The following PRKCH variants were observed in gnomAD, a reference collection of about 807,000 sequenced individuals.
PRKCH encodes the protein protein kinase C eta, also known as protein kinase C eta type.
Under a neutral mutation model 82.5 loss-of-function variants are expected in PRKCH, and 28 were observed. The ratio of observed to expected loss-of-function variants is 0.34; its 90% CI spans 0.25 to 0.47. PRKCH has a LOEUF of 0.47. Among genes scored for constraint, PRKCH ranks in the 20% least tolerant of loss-of-function variants. The probability of loss-of-function intolerance (pLI) is 1.00; values close to 1 mark genes in which losing one functional copy is unlikely to be tolerated. For synonymous variants in PRKCH, 322 were observed against 327.4 expected (o/e 0.98, Z 0.18); for missense variants, 705 against 881.8 (o/e 0.80, Z 2.54).
intron 1 of PRKCH, among the ~76,000 whole-genome samples, chr14:61,251,167 A>G (rs2044942879): frequency 6.6e-6 from 1 of 152,228 alleles, no homozygotes; most frequent in Non-Finnish European, 1.5e-5. Context: ...ATCAAGGAAA[A>G]TGGGTATCCA....
At chr14:61,432,411 A>C (rs1594699758) in intron 2 of PRKCH, among the ~76,000 whole-genome samples, 1 of 152,134 alleles carries the variant, frequency 6.6e-6, no homozygotes, top group Admixed American at 6.5e-5. Context: ...CTTCAAGTAC[A>C]TTCTTTATTT....
chr14:61,234,600 TCTCTGTTAAACTATTA>T, intron 1 of PRKCH, among the ~76,000 whole-genome samples: 1 of 152,202 alleles, frequency 6.6e-6, no homozygotes. Flanking sequence ...ATGTTCCACT[TCTCTGTTAAACTATTA>T]CTCTGAGAAG....
At chr14:61,278,696 G>C (rs2045225872) in intron 1 of PRKCH, 1 of 152,166 alleles carries the variant, frequency 6.6e-6, no homozygotes, top group East Asian at 1.9e-4. Context: ...AAGTTATTTT[G>C]CTATACAAGG....
chr14:61,475,713 A>G (rs1468475626), intron 9 of PRKCH, among the ~76,000 whole-genome samples: 1 of 152,256 alleles, frequency 6.6e-6, no homozygotes, highest in Non-Finnish European at 1.5e-5. Flanking sequence ...AATATGCAAT[A>G]TAAATGAAAA....
chr14:61,343,684 C>T (rs1302127303), intron 1 of PRKCH, among the ~76,000 whole-genome samples: 1 of 152,122 alleles, frequency 6.6e-6, no homozygotes, highest in African/African-American at 2.4e-5. Flanking sequence ...CTGTGACACA[C>T]TGTGAAAGAG....
intron 1 of PRKCH, among the ~76,000 whole-genome samples, chr14:61,229,910 C>G (rs77135331): frequency 1.3e-5 from 2 of 152,256 alleles, no homozygotes; most frequent in African/African-American, 4.8e-5. Context: ...ACATTCCAAC[C>G]CCCTCTGCTT....
chr14:61,357,357 C>T (rs2046164332), intron 1 of PRKCH, among the ~76,000 whole-genome samples: 1 of 152,234 alleles, frequency 6.6e-6, no homozygotes, highest in Non-Finnish European at 1.5e-5. Context: ...GAATGAGCTC[C>T]TCCATTTCCT....
intron 2 of PRKCH, among the ~76,000 whole-genome samples, chr14:61,428,744 G>A (rs1011971293): frequency 2.0e-4 from 30 of 152,130 alleles, no homozygotes; most frequent in South Asian, 4.1e-4. Flanking sequence ...GGGAGCTCTT[G>A]TTTTGGGAAA....
intron 7 of PRKCH, 75 bp from the exon 8 acceptor site, chr14:61,457,101 A>G (rs762469790): frequency 3.9e-6 from 6 of 1,532,874 alleles, no homozygotes; most frequent in South Asian, 3.7e-5. Context: ...CTCCCAGCCA[A>G]TAAGGTCTTC....
At chr14:61,387,250 A>G (rs1285824914) in intron 1 of PRKCH, among the ~76,000 whole-genome samples, 8 of 152,244 alleles carry the variant, frequency 5.3e-5, no homozygotes, top group Non-Finnish European at 8.8e-5. Flanking sequence ...ATAGCCAGAG[A>G]GAAGGAATGT....
chr14:61,445,396 C>T (rs190111555), intron 3 of PRKCH, among the ~76,000 whole-genome samples: 7 of 152,296 alleles, frequency 4.6e-5, no homozygotes, highest in East Asian at 1.9e-4. Flanking sequence ...CTTAATCACA[C>T]GTACAGATGA....
At chr14:61,240,641 T>C (rs993145361) in intron 1 of PRKCH, among the ~76,000 whole-genome samples, 16 of 148,588 alleles carry the variant, frequency 1.1e-4, no homozygotes, top group African/African-American at 3.7e-4. Context: ...TAAAGGAAAG[T>C]TCCACCGAGA....
chr14:61,231,050 G>A lies in PRKCH; in HGVS notation c.-19+43382G>A, dbSNP rs904499078. ...AGGGAGATACATTCCAAGTTCAAGG[G>A]CAGGAAAATGGACATTATCATTTGT... On this transcript the variant is annotated intron_variant, in intron 1 of 3. Coordinates refer to the PRKCH transcript ENST00000555185. Among the ~76,000 whole-genome samples, 7 of 152,130 alleles carry A rather than the reference G, an allele frequency of 4.6e-5. 1 individual carries two copies. Among genetic ancestry groups the A allele is most frequent in the Non-Finnish European group, 5.9e-5 (4 of 68,028 alleles).
intron 9 of PRKCH, among the ~76,000 whole-genome samples, chr14:61,464,378 T>A (rs1160759358): frequency 6.6e-6 from 1 of 152,106 alleles, no homozygotes; most frequent in Non-Finnish European, 1.5e-5. Context: ...TTGTTTTGTT[T>A]TTTTTTTTAC....
At chr14:61,189,754 T>C (rs145989429) in intron 1 of PRKCH, among the ~76,000 whole-genome samples, 13 of 152,130 alleles carry the variant, frequency 8.5e-5, no homozygotes, top group Admixed American at 2.6e-4. Context: ...CTTTTTTTTT[T>C]CCTCTCTCAT....
intron 2 of PRKCH, among the ~76,000 whole-genome samples, chr14:61,427,402 G>T (rs1883162827): frequency 6.6e-6 from 1 of 152,136 alleles, no homozygotes; most frequent in African/African-American, 2.4e-5. Context: ...TAGGAAAAGT[G>T]CTAGACTCAA....
chr14:61,195,720 G>A (rs952451533), intron 1 of PRKCH, among the ~76,000 whole-genome samples: 7 of 152,200 alleles, frequency 4.6e-5, no homozygotes, highest in Non-Finnish European at 7.3e-5. Context: ...AGTTTGGTGA[G>A]GGGTTGCTTC....
intron 1 of PRKCH, among the ~76,000 whole-genome samples, chr14:61,198,506 G>A (rs1045808364): frequency 3.3e-5 from 5 of 152,028 alleles, no homozygotes; most frequent in East Asian, 1.9e-4. Flanking sequence ...CTCTTCGTTC[G>A]TGACATTTGT....
intron 9 of PRKCH, among the ~76,000 whole-genome samples, chr14:61,485,188 C>T (rs1351384406): frequency 2.0e-5 from 3 of 152,180 alleles, no homozygotes; most frequent in Non-Finnish European, 4.4e-5. Flanking sequence ...CATTCTCTCT[C>T]CAGGTACATG....
Sources: gnomAD v4.1 joint callset for allele counts (sites outside exome capture counted in the v4.1 genomes callset) on GRCh38, gnomAD v4.1.1 for gene constraint, MANE v1.5 for transcripts, NCBI Gene and HGNC (gene_info 2026-07-23, HGNC 2026-07-21) for gene names.